FILIP1L: variants seen among roughly 807,000 people sequenced by gnomAD.
FILIP1L encodes the protein filamin A interacting protein 1 like.
In FILIP1L, 55 loss-of-function variants were observed where a neutral mutation model predicts 96.6. That is an observed-to-expected ratio of 0.57 (90% confidence interval 0.46 to 0.71). FILIP1L has a LOEUF of 0.71. Among genes scored for constraint, FILIP1L ranks in the 30% least tolerant of loss-of-function variants. The pLI, the probability that FILIP1L is intolerant of heterozygous loss-of-function variation, is 0.00. For missense variants in FILIP1L, 1,304 were observed against 1,321.2 expected (o/e 0.99, Z 0.20); for synonymous variants, 467 against 473.9 (o/e 0.99, Z 0.19).
intron 4 of FILIP1L, among the ~76,000 whole-genome samples, chr3:99,871,309 CTT>C (rs566494884): frequency 2.0e-5 from 3 of 151,362 alleles, no homozygotes; most frequent in Admixed American, 6.6e-5. Flanking sequence ...TGCAGAAACA[CTT>C]TTTTTTTGTA....
intron 1 of FILIP1L, among the ~76,000 whole-genome samples, chr3:99,982,183 T>G (rs1709143655): frequency 6.6e-6 from 1 of 152,080 alleles, no homozygotes; most frequent in Non-Finnish European, 1.5e-5. Flanking sequence ...TTAGTATATG[T>G]TTTTTTAATA....
intron 1 of FILIP1L, among the ~76,000 whole-genome samples, chr3:100,052,752 T>A (rs1186498363): frequency 6.6e-6 from 1 of 152,246 alleles, no homozygotes; most frequent in Non-Finnish European, 1.5e-5. Flanking sequence ...CCCAACCTCA[T>A]GTAAACCAGT....
chr3:99,955,315 A>G (rs1708291214), intron 1 of FILIP1L, among the ~76,000 whole-genome samples: 1 of 152,252 alleles, frequency 6.6e-6, no homozygotes, highest in Non-Finnish European at 1.5e-5. Context: ...AATGACAAGG[A>G]GTATAAACAG....
At chr3:99,919,089 G>A (rs1376442926) in intron 4 of FILIP1L, among the ~76,000 whole-genome samples, 1 of 152,054 alleles carries the variant, frequency 6.6e-6, no homozygotes, top group Admixed American at 6.5e-5. Context: ...TATACCCACT[G>A]TGTATTGCTT....
chr3:99,899,301 C>G (rs536942683), intron 4 of FILIP1L, among the ~76,000 whole-genome samples: 1 of 152,212 alleles, frequency 6.6e-6, no homozygotes, highest in African/African-American at 2.4e-5. Context: ...TTTCCAATAC[C>G]AAGTTATTAC....
chr3:99,928,479 G>T (rs1419410072), intron 3 of FILIP1L, among the ~76,000 whole-genome samples: 2 of 152,196 alleles, frequency 1.3e-5, no homozygotes, highest in Non-Finnish European at 2.9e-5. Flanking sequence ...GGCTGGACTT[G>T]TAAAGTAGGG....
intron 1 of FILIP1L, among the ~76,000 whole-genome samples, chr3:100,111,905 A>G (rs2066497379): frequency 6.6e-6 from 1 of 152,212 alleles, no homozygotes; most frequent in Non-Finnish European, 1.5e-5. Context: ...TATGTTGAAC[A>G]ACATGCACAA....
intron 1 of FILIP1L, among the ~76,000 whole-genome samples, chr3:100,061,817 T>G (rs1353833438): frequency 1.3e-5 from 2 of 152,346 alleles, no homozygotes; most frequent in East Asian, 3.9e-4. Flanking sequence ...GAGGCAAGAT[T>G]TGAAGCCAAG....
chr3:99,974,194 G>A (rs963578544), intron 1 of FILIP1L, among the ~76,000 whole-genome samples: 1 of 152,182 alleles, frequency 6.6e-6, no homozygotes, highest in Admixed American at 6.5e-5. Context: ...AACATGGAGA[G>A]GACAATTTAT....
intron 1 of FILIP1L, among the ~76,000 whole-genome samples, chr3:100,014,093 T>C (rs924835468): frequency 4.0e-5 from 6 of 151,678 alleles, no homozygotes; most frequent in Non-Finnish European, 7.4e-5. Context: ...TGTCCCTGGC[T>C]TATTTCATTT....
intron 4 of FILIP1L, among the ~76,000 whole-genome samples, chr3:99,891,453 CTTT>C (rs1407205021): frequency 6.6e-6 from 1 of 152,168 alleles, no homozygotes; most frequent in Non-Finnish European, 1.5e-5. Context: ...TAGGTTTTCA[CTTT>C]TATTCAGTCT....
At chr3:100,098,477 G>A (rs1033283280) in intron 1 of FILIP1L, among the ~76,000 whole-genome samples, 1 of 152,160 alleles carries the variant, frequency 6.6e-6, no homozygotes, top group Admixed American at 6.5e-5. Context: ...AAAGTATTCA[G>A]CATGGTACCA....
intron 1 of FILIP1L, among the ~76,000 whole-genome samples, chr3:99,956,598 C>T (rs532829185): frequency 7.2e-5 from 11 of 152,314 alleles, no homozygotes; most frequent in Admixed American, 3.9e-4. Flanking sequence ...CCACCTGCCT[C>T]GGCCTTCCAA....
chr3:100,055,157 T>C (rs916694687), intron 1 of FILIP1L, among the ~76,000 whole-genome samples: 1 of 152,194 alleles, frequency 6.6e-6, no homozygotes, highest in African/African-American at 2.4e-5. Context: ...CCTATCCCAA[T>C]TCAGGTCTCC....
intron 1 of FILIP1L, among the ~76,000 whole-genome samples, chr3:99,964,829 C>T (rs1045019997): frequency 3.9e-5 from 6 of 152,146 alleles, no homozygotes; most frequent in African/African-American, 1.4e-4. Context: ...CTCTCATCTA[C>T]TATGCTCCCT....
chr3:99,920,256 A>C (rs1707083935), intron 4 of FILIP1L, among the ~76,000 whole-genome samples: 1 of 152,222 alleles, frequency 6.6e-6, no homozygotes, highest in African/African-American at 2.4e-5. Context: ...AAAAAAAAGC[A>C]ACTCTTTTTT....
chr3:100,065,004 C>G (rs2065640110), intron 1 of FILIP1L, among the ~76,000 whole-genome samples: 1 of 152,172 alleles, frequency 6.6e-6, no homozygotes, highest in African/African-American at 2.4e-5. Context: ...AAACACTATG[C>G]TAGGCATTAT....
At chr3:100,012,136 A>G (rs1710174408) in intron 1 of FILIP1L, among the ~76,000 whole-genome samples, 1 of 152,200 alleles carries the variant, frequency 6.6e-6, no homozygotes, top group Non-Finnish European at 1.5e-5. Context: ...GCAAAATGAA[A>G]TATTTGTTAA....
At chr3:99,899,847 G>A (rs182974373) in intron 4 of FILIP1L, among the ~76,000 whole-genome samples, 2 of 152,310 alleles carry the variant, frequency 1.3e-5, no homozygotes, top group Admixed American at 1.3e-4. Context: ...AATGGTGAGA[G>A]TACCTTCCTC....
Sources: gnomAD v4.1 joint callset for allele counts (sites outside exome capture counted in the v4.1 genomes callset) on GRCh38, gnomAD v4.1.1 for gene constraint, MANE v1.5 for transcripts, NCBI Gene and HGNC (gene_info 2026-07-23, HGNC 2026-07-21) for gene names.